TP53I11: variants seen among roughly 807,000 people sequenced by gnomAD.
The protein encoded by TP53I11 is tumor protein p53-inducible protein 11.
A neutral mutation model predicts 23.3 loss-of-function variants in TP53I11; 9 were observed. The observed-to-expected ratio is 0.39, with a 90% confidence interval of 0.23 to 0.67. The LOEUF is 0.67. Among genes scored for constraint, TP53I11 ranks in the 30% least tolerant of loss-of-function variants. The probability of loss-of-function intolerance (pLI) is 0.48; values close to 1 mark genes in which losing one functional copy is unlikely to be tolerated. For synonymous variants in TP53I11, 100 were observed against 106.1 expected (o/e 0.94, Z 0.35); for missense variants, 170 against 255.2 (o/e 0.67, Z 2.27).
intron 4 of TP53I11, 194 bp downstream of exon 4, chr11:44,937,110 A>G: frequency 1.3e-6 from 1 of 792,876 alleles, no homozygotes; most frequent in East Asian, 2.7e-5. Flanking sequence ...GCCACAAACC[A>G]TGGGATCTAG....
intron 1 of TP53I11, among the ~76,000 whole-genome samples, chr11:44,948,057 A>C (rs1276873019): frequency 6.6e-6 from 1 of 152,154 alleles, no homozygotes; most frequent in African/African-American, 2.4e-5. Flanking sequence ...GATGAGAGAG[A>C]GCAAGGGTCA....
Position 44,934,574 on chromosome 11 carries a change from C to T in TP53I11, c.*310G>A, listed in dbSNP as rs1326501708. The T allele has an allele frequency of 3.4e-5, 11 of 320,002 alleles. No individual in the cohort carries two copies. The highest frequency in any genetic ancestry group is 1.2e-4 in the South Asian group (3 of 24,318). 19.8% of individuals were successfully genotyped at this position (320,002 alleles called of 1,614,324 possible). On this transcript the variant is annotated 3_prime_UTR_variant, in exon 7 of 7. Transcript: ENST00000525680. ...CACTACCCTCATGACTCCAGCCTGA[C>T]TTTAGTCAGTGTCTATTGAGGGGGT...
chr11:44,936,245 A>G lies in TP53I11; in HGVS notation c.334+558T>C. The G allele has an allele frequency of 9.5e-7, 1 of 1,053,898 alleles. No homozygotes were observed. Among genetic ancestry groups the G allele is most frequent in the Non-Finnish European group, 1.1e-6 (1 of 875,952 alleles). The allele number at this position is 1,053,898 out of a possible 1,614,324, so 65.3% of individuals were successfully genotyped here. ...GGTGTGCATTTATTTTATTCCAGCA[A>G]CCCTAACTCCAGAGGAGCTCAGCCT... On this transcript the variant is annotated intron_variant, in intron 5 of 6. Transcript: ENST00000525680. This position sits in a 1 kb window ranked among gnomAD's most constrained non-coding sequence, Gnocchi z 4.4.
intron 1 of TP53I11, chr11:44,939,197 AGAG>A (rs991801798): frequency 6.6e-6 from 1 of 152,330 alleles, no homozygotes; most frequent in African/African-American, 2.4e-5. Flanking sequence ...AAATCTATGC[AGAG>A]GAGACAGCAG....
At position 44,949,057 on chromosome 11, in the gene TP53I11, C is replaced by T. The variant is rs577605178; in HGVS notation, c.-32+1620G>A. 6.6e-5 allele frequency among the ~76,000 whole-genome samples: 10 copies of T among 152,348 alleles called. No individual in the cohort carries two copies. In the East Asian group the frequency reaches 1.7e-3, roughly 26 times the overall value. On this transcript the variant is annotated intron_variant, in intron 1 of 6. Coordinates refer to ENST00000525680, the MANE Select transcript of TP53I11 (RefSeq NM_006034.5). The stretch of plus-strand genomic sequence containing the variant: ...GTGACTGGGAAAGAAGCGGCCATGG[C>T]AGGGGCCTCCTGGGATGGTGGGGAC...
chr11:44,945,922 AGATCCCC>A (rs1862349681), intron 1 of TP53I11, among the ~76,000 whole-genome samples: 1 of 152,188 alleles, frequency 6.6e-6, no homozygotes, highest in African/African-American at 2.4e-5. Flanking sequence ...TGGAGTCTAG[AGATCCCC>A]TAGCCCAGAA....
In TP53I11 at chr11:44,935,484, C is replaced by T; in HGVS notation, c.436+77G>A. On this transcript the variant is annotated intron_variant, in intron 6 of 6. Coordinates refer to ENST00000525680, the MANE Select transcript of TP53I11 (RefSeq NM_006034.5). ...AGACAGGTTTTCATCACTTCCCACA[C>T]ACCCAGGTGGCTAGAGCAGGCAGGT... The T allele has an allele frequency of 5.2e-6, 7 of 1,352,560 alleles. No homozygotes were observed. The East Asian group carries it at 9.2e-5, about 18-fold the overall frequency. The allele number at this position is 1,352,560 out of a possible 1,614,324, so 83.8% of individuals were successfully genotyped here. A position where few individuals can be genotyped will look rare whatever the true frequency, so the allele number is the denominator to read the frequency against.
chr11:44,941,305 A>G (rs571782991), intron 1 of TP53I11, among the ~76,000 whole-genome samples: 1 of 152,190 alleles, frequency 6.6e-6, no homozygotes, highest in African/African-American at 2.4e-5. Flanking sequence ...CGGGGTCCTC[A>G]TCTGTGAAAC....
At position 44,937,691 on chromosome 11, in the gene TP53I11, C is replaced by T; in HGVS notation, c.130-78G>A. On this transcript the variant is annotated intron_variant, in intron 2 of 6. Transcript: ENST00000525680. ...CCCACTCGCTCATCCTCCCAGAGCCCTGCACACCCAGGGACCAGCCTGGGC... is the reference window on the plus strand; with the variant it reads ...CCCACTCGCTCATCCTCCCAGAGCCTTGCACACCCAGGGACCAGCCTGGGC... The T allele has an allele frequency of 3.3e-6, 5 of 1,502,552 alleles. No individual in the cohort carries two copies. In the South Asian group the frequency reaches 3.4e-5, roughly 10 times the overall value. 93.1% of individuals were successfully genotyped at this position (1,502,552 alleles called of 1,614,324 possible).
rs1279432486 is a variant in TP53I11 at position 44,933,263 on chromosome 11, T to C, written c.*1621A>G. Reference sequence around the variant, plus strand: ...GCTGGGTACAGGCCATGTTGCTGTATCTGGGTGCAGGGACAGCCAGGCACA... The same window carrying C: ...GCTGGGTACAGGCCATGTTGCTGTACCTGGGTGCAGGGACAGCCAGGCACA... On this transcript the variant is annotated 3_prime_UTR_variant, in exon 7 of 7. Transcript: ENST00000525680. The C allele has an allele frequency of 6.6e-6, 1 of 152,358 alleles. No individual in the cohort carries two copies. The highest frequency in any genetic ancestry group is 1.5e-5 in the Non-Finnish European group (1 of 68,158). The allele number at this position is 152,358 out of a possible 1,614,324, so 9.4% of individuals were successfully genotyped here.
chr11:44,935,247 T>C (rs1043011606), intron 6 of TP53I11, among the ~76,000 whole-genome samples: 12 of 152,086 alleles, frequency 7.9e-5, no homozygotes, highest in African/African-American at 2.9e-4. Context: ...GTGGGCAAAA[T>C]TGAATGCGTG....
At chr11:44,949,170 AG>A (rs1230294581) in intron 1 of TP53I11, among the ~76,000 whole-genome samples, 3 of 152,220 alleles carry the variant, frequency 2.0e-5, no homozygotes, top group Admixed American at 2.0e-4. Context: ...CAACCCAACA[AG>A]AAAAATCTTT....
In TP53I11 at chr11:44,938,187, G is replaced by A; in HGVS notation, c.129+20C>T. 2 of 1,606,372 alleles carry A rather than the reference G, an allele frequency of 1.2e-6. No individual in the cohort carries two copies. Among genetic ancestry groups the A allele is most frequent in the Non-Finnish European group, 1.7e-6 (2 of 1,177,230 alleles). ...CTGGCCTCCCCAGTGGGTGCCGGAG[G>A]CCCCTGCTCTGCACCCCACCTTGGA... On this transcript the variant is annotated intron_variant, in intron 2 of 6. Transcript: ENST00000525680.
At chr11:44,935,072 C>T (rs1427912152) in intron 6 of TP53I11, 55 bp from the exon 7 acceptor site, 24 of 1,605,798 alleles carry the variant, frequency 1.5e-5, no homozygotes, top group African/African-American at 2.7e-5. Context: ...TGTGTCCCAG[C>T]GCTGCCCCCC....
chr11:44,947,815 G>A (rs1266325524), intron 1 of TP53I11, among the ~76,000 whole-genome samples: 1 of 151,670 alleles, frequency 6.6e-6, no homozygotes, highest in Non-Finnish European at 1.5e-5. Flanking sequence ...GTGTAATAAT[G>A]ACACCAACCT....
chr11:44,935,527 A>T (rs1861002236), intron 6 of TP53I11, 34 bp downstream of exon 6: 1 of 1,602,642 alleles, frequency 6.2e-7, no homozygotes. Context: ...GAAGCGGCCC[A>T]TCAGCCTCCC....
At chr11:44,935,453 C>T (rs1860989616) in intron 6 of TP53I11, 108 bp downstream of exon 6, 3 of 999,418 alleles carry the variant, frequency 3.0e-6, no homozygotes, top group Non-Finnish European at 4.6e-6. Context: ...CTCCCTAGCC[C>T]CCCACAGACA....
At chr11:44,937,643 G>T in intron 2 of TP53I11, 30 bp from the exon 3 acceptor site, 1 of 1,610,868 alleles carries the variant, frequency 6.2e-7, no homozygotes, top group Non-Finnish European at 8.5e-7. Context: ...GAGGCAACCA[G>T]GGTGAGGGCA....
chr11:44,938,094 A>C, intron 2 of TP53I11, 113 bp downstream of exon 2: 1 of 1,374,058 alleles, frequency 7.3e-7, no homozygotes, highest in South Asian at 1.6e-5. Flanking sequence ...TAGGAAAATC[A>C]GCTAAGTCCT....
Sources: allele counts gnomAD v4.1 joint callset (sites outside exome capture counted in the v4.1 genomes callset), GRCh38; gene constraint gnomAD v4.1.1; non-coding constraint Gnocchi (gnomAD v3.1); transcripts MANE v1.5; gene names NCBI Gene and HGNC (gene_info 2026-07-23, HGNC 2026-07-21).